The following ACSM6 variants were observed in gnomAD, a reference collection of about 807,000 sequenced individuals.
ACSM6 encodes acyl-CoA synthetase medium chain family member 6.
Under a neutral mutation model 51.1 loss-of-function variants are expected in ACSM6, and 35 were observed. That is an observed-to-expected ratio of 0.69 (90% CI 0.52 to 0.91). ACSM6 has a LOEUF of 0.91. Ranked by LOEUF, ACSM6 falls within the 40% of genes least tolerant of loss-of-function variation. The probability of loss-of-function intolerance (pLI) is 0.00; values close to 1 mark genes in which losing one functional copy is unlikely to be tolerated. For synonymous variants in ACSM6, 172 were observed against 207.3 expected (o/e 0.83, Z 1.46); for missense variants, 509 against 584.1 (o/e 0.87, Z 1.32).
intron 4 of ACSM6, among the ~76,000 whole-genome samples, chr10:95,208,474 T>A (rs1345141577): frequency 6.6e-6 from 1 of 152,154 alleles, no homozygotes; most frequent in Non-Finnish European, 1.5e-5. Context: ...CTTAAGTTTA[T>A]ACAAAAGTAA....
chr10:95,210,586 G>T lies in ACSM6; in HGVS notation c.612-64G>T. 9 of 1,523,686 alleles carry T rather than the reference G, an allele frequency of 5.9e-6. No individual in the cohort carries two copies. In the South Asian group the frequency reaches 1.1e-4, roughly 19 times the overall value. 94.4% of individuals were successfully genotyped at this position (1,523,686 alleles called of 1,614,324 possible). A position where few individuals can be genotyped will look rare whatever the true frequency, so the allele number is the denominator to read the frequency against. ...AAAATCAGAGATTACCAAACCCAGG[G>T]CCTAGGCACTTAATCAGAGAACCTA... On this transcript the variant is annotated intron_variant, in intron 4 of 10. Coordinates refer to ENST00000341686, the Ensembl canonical transcript of ACSM6.
At chr10:95,197,995 G>A (rs1231047302) in intron 2 of ACSM6, among the ~76,000 whole-genome samples, 1 of 152,232 alleles carries the variant, frequency 6.6e-6, no homozygotes, top group Non-Finnish European at 1.5e-5. Flanking sequence ...GGCACGTCCT[G>A]CACAACCCTA....
At chr10:95,211,276 A>G (rs2034890593) in intron 5 of ACSM6, among the ~76,000 whole-genome samples, 1 of 152,230 alleles carries the variant, frequency 6.6e-6, no homozygotes, top group Non-Finnish European at 1.5e-5. Flanking sequence ...GGCAAATTCA[A>G]AGGGCACTGA....
rs534057936 is a variant in ACSM6 at position 95,216,783 on chromosome 10, G to A, written c.1119+1808G>A. Among the ~76,000 whole-genome samples the A allele has an allele frequency of 1.2e-4, 19 of 152,170 alleles. No homozygotes were observed. The East Asian group carries it at 3.7e-3, about 29-fold the overall frequency. ...TCTCTGGAAAGGTAACTGATGAAGA[G>A]AACATCCAGTAAAGAGGATATAGAT... is the stretch of plus-strand genomic sequence containing the variant. On this transcript the variant is annotated intron_variant, in intron 8 of 10. Coordinates refer to ENST00000341686, the Ensembl canonical transcript of ACSM6.
At chr10:95,195,520 T>C (rs1334192279) in intron 2 of ACSM6, among the ~76,000 whole-genome samples, 1 of 152,188 alleles carries the variant, frequency 6.6e-6, no homozygotes, top group Non-Finnish European at 1.5e-5. Context: ...TGGACTTGCT[T>C]ACTCTCTGGC....
intron 9 of ACSM6, among the ~76,000 whole-genome samples, chr10:95,224,412 A>G (rs1264192961): frequency 6.6e-6 from 1 of 152,176 alleles, no homozygotes; most frequent in African/African-American, 2.4e-5. Flanking sequence ...CTCGGCTGAA[A>G]TAAGTCATTA....
intron 10 of ACSM6, among the ~76,000 whole-genome samples, chr10:95,227,355 G>A (rs2035048745): frequency 1.3e-5 from 2 of 152,086 alleles, no homozygotes; most frequent in Non-Finnish European, 2.9e-5. Context: ...ACCTGCTATT[G>A]TTGAAAATTT....
intron 9 of ACSM6, among the ~76,000 whole-genome samples, chr10:95,222,919 T>C (rs2035007276): frequency 6.9e-6 from 1 of 143,930 alleles, no homozygotes; most frequent in African/African-American, 3.0e-5. Context: ...ATGGCATAGA[T>C]TGTGGTGACA....
chr10:95,215,410 CACTA>C (rs755678049), intron 8 of ACSM6, among the ~76,000 whole-genome samples: 25 of 152,298 alleles, frequency 1.6e-4, no homozygotes, highest in African/African-American at 4.6e-4. Context: ...TCTTCAAAGT[CACTA>C]ACTATTTAGT....
chr10:95,228,054 AGAGT>A, intron 10 of ACSM6, among the ~76,000 whole-genome samples: 1 of 152,198 alleles, frequency 6.6e-6, no homozygotes, highest in South Asian at 2.1e-4. Flanking sequence ...CTTGCGTGAC[AGAGT>A]GAGACTGTTT....
chr10:95,228,705 G>C, exon 11 of ACSM6: 1 of 1,551,812 alleles, frequency 6.4e-7, no homozygotes, highest in Non-Finnish European at 8.7e-7. Flanking sequence ...GGTGACAGAG[G>C]GATCATGGAT....
chr10:95,223,869 CA>C (rs549067428), intron 9 of ACSM6, among the ~76,000 whole-genome samples: 136 of 152,224 alleles, frequency 8.9e-4, no homozygotes, highest in Middle Eastern at 3.4e-3. Context: ...TATCTCTATT[CA>C]ACATGACATG....
chr10:95,217,050 A>G (rs141131127), intron 8 of ACSM6, among the ~76,000 whole-genome samples: 9 of 152,338 alleles, frequency 5.9e-5, no homozygotes, highest in Admixed American at 5.2e-4. Context: ...GATAGGAACA[A>G]AAGAAAATAG....
At chr10:95,214,761 A>T (rs595478) in intron 7 of ACSM6, 91 bp from the exon 8 acceptor site, 756,766 of 1,393,990 alleles carry the variant, frequency 0.54, 213,017 homozygotes, top group Middle Eastern at 0.63. Flanking sequence ...TATTGGAATA[A>T]CTGCATCATT....
intron 4 of ACSM6, among the ~76,000 whole-genome samples, chr10:95,210,128 C>T (rs1269942329): frequency 6.6e-6 from 1 of 152,198 alleles, no homozygotes; most frequent in African/African-American, 2.4e-5. Context: ...AAACATTTCA[C>T]TAAAATATTA....
rs529052927 is a variant in ACSM6 at position 95,207,195 on chromosome 10, T to C, written c.404-13T>C. On this transcript the variant is annotated splice_polypyrimidine_tract_variant and intron_variant, in intron 3 of 10. Coordinates refer to ENST00000341686, the Ensembl canonical transcript of ACSM6. ...AAGATAAAAATGAAGCCTTCTTTTG[T>C]GGTTTTTTTCAGGAATCACCTTTGT... is the stretch of plus-strand genomic sequence containing the variant. The C allele has an allele frequency of 1.0e-5, 16 of 1,569,428 alleles. No homozygotes were observed. In the South Asian group the frequency reaches 1.7e-4, roughly 16 times the overall value.
intron 8 of ACSM6, among the ~76,000 whole-genome samples, chr10:95,217,348 A>AAG (rs985983342): frequency 1.1e-4 from 17 of 149,128 alleles, no homozygotes; most frequent in African/African-American, 1.5e-4. Context: ...CTCCATCTCA[A>AAG]AAAAAAAAAA....
intron 3 of ACSM6, among the ~76,000 whole-genome samples, chr10:95,206,984 G>A (rs2034844018): frequency 6.6e-6 from 1 of 152,154 alleles, no homozygotes; most frequent in Non-Finnish European, 1.5e-5. Flanking sequence ...GAGGTGAAAG[G>A]ATAACAGCAA....
intron 2 of ACSM6, 30 bp downstream of exon 2, chr10:95,194,707 CT>C (rs1564584681): frequency 1.3e-6 from 2 of 1,537,394 alleles, no homozygotes; most frequent in Non-Finnish European, 1.8e-6. Context: ...ACCTTGGAAA[CT>C]TTGGCCAAGG....
Sources: gnomAD v4.1 joint callset for allele counts (sites outside exome capture counted in the v4.1 genomes callset) on GRCh38, gnomAD v4.1.1 for gene constraint, MANE v1.5 for transcripts, NCBI Gene and HGNC (gene_info 2026-07-23, HGNC 2026-07-21) for gene names.